The following LMBR1 variants were observed in gnomAD, a reference collection of about 807,000 sequenced individuals.
The protein encoded by LMBR1 is limb development membrane protein 1.
Under a neutral mutation model 73.9 loss-of-function variants are expected in LMBR1, and 52 were observed. The ratio of observed to expected loss-of-function variants is 0.70; its 90% confidence interval spans 0.56 to 0.89. LMBR1 has a LOEUF of 0.89. LMBR1 is among the 40% of genes least tolerant of loss of function. The pLI is 0.00. For synonymous variants in LMBR1, 215 were observed against 209.4 expected, an observed-to-expected ratio of 1.03 and a Z score of -0.23; for missense variants, 539 against 579.8, an observed-to-expected ratio of 0.93 and a Z score of 0.72.
At chr7:156,891,263 T>C (rs993194441) in intron 1 of LMBR1, among the ~76,000 whole-genome samples, 2 of 132,248 alleles carry the variant, frequency 1.5e-5, no homozygotes, top group East Asian at 2.3e-4. Context: ...CACACACATA[T>C]ATACATACAC....
intron 1 of LMBR1, among the ~76,000 whole-genome samples, chr7:156,864,243 A>C (rs781036360): frequency 6.6e-6 from 1 of 152,176 alleles, no homozygotes; most frequent in Non-Finnish European, 1.5e-5. Context: ...GCCTCCAAAA[A>C]AGGTTGGTTT....
At chr7:156,708,253 G>A (rs1432559421) in intron 15 of LMBR1, among the ~76,000 whole-genome samples, 3 of 152,116 alleles carry the variant, frequency 2.0e-5, no homozygotes, top group Non-Finnish European at 4.4e-5. Flanking sequence ...AAGAATTCAC[G>A]AATCCTTTGA....
In LMBR1 at chr7:156,681,418, C is replaced by A; in HGVS notation, c.*2660G>T. 1 of 167,460 alleles carries A rather than the reference C, an allele frequency of 6.0e-6. No individual in the cohort carries two copies. The highest frequency in any genetic ancestry group is 1.3e-5 in the Non-Finnish European group (1 of 77,492). The allele number at this position is 167,460 out of a possible 1,614,324, so 10.4% of individuals were successfully genotyped here. On this transcript the variant is annotated 3_prime_UTR_variant, in exon 17 of 17. Transcript: ENST00000353442. The stretch of plus-strand genomic sequence containing the variant: ...CATGTAAAGCCTCATATTTAGAGGT[C>A]TATTTTTACAGAGAATGTACATAAA...
Position 156,797,892 on chromosome 7 carries a change from G to C in LMBR1, c.320-1400C>G, listed in dbSNP as rs1272859859. On this transcript the variant is annotated intron_variant, in intron 4 of 16. Transcript: ENST00000353442. Reference sequence around the variant, plus strand: ...TAAAACAATATCTTAACATCTTTTAGTGGAAAAACTGCAATTTGAACTATT... The same window carrying C: ...TAAAACAATATCTTAACATCTTTTACTGGAAAAACTGCAATTTGAACTATT... Among the ~76,000 whole-genome samples, 4 of 151,828 alleles carry C rather than the reference G, an allele frequency of 2.6e-5. No individual in the cohort carries two copies. In the East Asian group the frequency reaches 7.7e-4, roughly 29 times the overall value.
chr7:156,760,300 G>A (rs1458523432), intron 8 of LMBR1, among the ~76,000 whole-genome samples: 1 of 152,168 alleles, frequency 6.6e-6, no homozygotes, highest in African/African-American at 2.4e-5. Flanking sequence ...AATTAGCTTG[G>A]GGAAGGGAGC....
At chr7:156,718,387 G>A (rs1813701629) in intron 15 of LMBR1, among the ~76,000 whole-genome samples, 1 of 146,058 alleles carries the variant, frequency 6.8e-6, no homozygotes, top group African/African-American at 2.5e-5. Flanking sequence ...GCAACAGAGT[G>A]AGAATCCATC....
At chr7:156,753,837 G>A (rs1446419598) in intron 9 of LMBR1, among the ~76,000 whole-genome samples, 2 of 152,222 alleles carry the variant, frequency 1.3e-5, no homozygotes, top group African/African-American at 4.8e-5. Flanking sequence ...CATGAGGGAG[G>A]CGCTGTCTTA....
chr7:156,774,397 T>C (rs981791379), intron 5 of LMBR1, among the ~76,000 whole-genome samples: 13 of 152,148 alleles, frequency 8.5e-5, no homozygotes, highest in African/African-American at 2.7e-4. Context: ...GATTCTAACA[T>C]AAAGATATAT....
chr7:156,741,605 A>G (rs1818906739), intron 9 of LMBR1, among the ~76,000 whole-genome samples: 1 of 152,152 alleles, frequency 6.6e-6, no homozygotes, highest in Admixed American at 6.5e-5. Context: ...AAAGGGTATA[A>G]CAATTGTAAA....
chr7:156,711,168 T>G (rs1812007737), intron 15 of LMBR1, among the ~76,000 whole-genome samples: 1 of 151,946 alleles, frequency 6.6e-6, no homozygotes, highest in Non-Finnish European at 1.5e-5. Context: ...AAATTAGCTG[T>G]GTGTGGTGGC....
At chr7:156,882,069 A>AAT (rs1228058806) in intron 1 of LMBR1, among the ~76,000 whole-genome samples, 1 of 152,242 alleles carries the variant, frequency 6.6e-6, no homozygotes, top group Non-Finnish European at 1.5e-5. Context: ...ATGTGGAAAC[A>AAT]ACCTAAATGT....
intron 1 of LMBR1, among the ~76,000 whole-genome samples, chr7:156,846,567 T>C (rs866626807): frequency 2.0e-4 from 31 of 152,298 alleles, no homozygotes; most frequent in Middle Eastern, 3.4e-3. Flanking sequence ...AGAGATTGCA[T>C]GTTCATGTAT....
chr7:156,688,621 T>C (rs1806474140), intron 15 of LMBR1, among the ~76,000 whole-genome samples: 1 of 152,102 alleles, frequency 6.6e-6, no homozygotes, highest in Non-Finnish European at 1.5e-5. Flanking sequence ...CCTCTGCTGC[T>C]GCTCTCTGGA....
chr7:156,674,932 A>G (rs1324334092), downstream of LMBR1, among the ~76,000 whole-genome samples: 3 of 152,240 alleles, frequency 2.0e-5, no homozygotes, highest in Admixed American at 1.3e-4. Context: ...GCTAATGGTC[A>G]AAGCTCACAA....
At chr7:156,718,146 T>A (rs1813631290) in intron 15 of LMBR1, among the ~76,000 whole-genome samples, 1 of 152,158 alleles carries the variant, frequency 6.6e-6, no homozygotes, top group South Asian at 2.1e-4. Context: ...ACACCTGTAA[T>A]CCCAGCACTT....
intron 1 of LMBR1, among the ~76,000 whole-genome samples, chr7:156,851,413 G>C (rs1490009957): frequency 6.6e-6 from 1 of 152,036 alleles, no homozygotes; most frequent in Non-Finnish European, 1.5e-5. Flanking sequence ...CTTAGCAAGG[G>C]GTAAATATTC....
intron 15 of LMBR1, among the ~76,000 whole-genome samples, chr7:156,693,750 C>G (rs1252186374): frequency 6.6e-6 from 1 of 152,080 alleles, no homozygotes; most frequent in Non-Finnish European, 1.5e-5. Context: ...TAAACTGATC[C>G]AAAAACAGAA....
At chr7:156,704,845 GAAGA>G (rs980017366) in intron 15 of LMBR1, among the ~76,000 whole-genome samples, 1 of 150,312 alleles carries the variant, frequency 6.7e-6, no homozygotes, top group African/African-American at 2.4e-5. Context: ...TAGACCAATA[GAAGA>G]AAGAATCTCA....
intron 9 of LMBR1, among the ~76,000 whole-genome samples, chr7:156,751,399 G>A (rs1437222342): frequency 1.3e-5 from 2 of 152,112 alleles, no homozygotes; most frequent in Admixed American, 1.3e-4. Flanking sequence ...GGCTCAGTGG[G>A]GGAAGAGCAA....
Sources: allele counts gnomAD v4.1 joint callset (sites outside exome capture counted in the v4.1 genomes callset), GRCh38; gene constraint gnomAD v4.1.1; transcripts MANE v1.5; gene names NCBI Gene and HGNC (gene_info 2026-07-23, HGNC 2026-07-21).